MGAM: variants seen among roughly 807,000 people sequenced by gnomAD.
MGAM encodes the protein maltase-glucoamylase.
Under a neutral mutation model 358.8 loss-of-function variants are expected in MGAM, and 253 were observed. The ratio of observed to expected loss-of-function variants is 0.71; its 90% CI spans 0.64 to 0.78. The LOEUF (loss-of-function observed/expected upper bound fraction) is 0.78. MGAM is among the 30% of genes least tolerant of loss of function. The pLI is 0.00. For synonymous variants in MGAM, 1,105 were observed against 1,227.1 expected (o/e 0.90, Z 2.08); for missense variants, 3,080 against 3,432.6 (o/e 0.90, Z 2.57).
Position 142,022,346 on chromosome 7 carries a change from G to C in MGAM, c.789G>C (p.Val263=). The C allele has an allele frequency of 6.2e-7, 1 of 1,613,690 alleles. No individual in the cohort carries two copies. Among genetic ancestry groups the C allele is most frequent in the Non-Finnish European group, 8.5e-7 (1 of 1,179,682 alleles). ...CCACTCGACTGCCTAGCACTAACGT[G>C]TATGGCCTGGGAGAGCATGTGCACC... ...QLSTRLPSTN[V]YGLGEHVHQQ... is the part of the protein sequence containing the mutation. Residue 263 remains valine, a synonymous_variant, in exon 7 of 71, where the codon GTG becomes GTC. Transcript: ENST00000475668.
Position 142,040,826 on chromosome 7 carries a change from A to C in MGAM, c.2478A>C (p.Pro826=). 1.2e-6 allele frequency: 2 copies of C among 1,612,170 alleles called. No homozygotes were observed. Among genetic ancestry groups the C allele is most frequent in the Non-Finnish European group, 1.7e-6 (2 of 1,179,014 alleles). ...RGGYIFPTQQ[P]NTTTLASRKN... ...GCTACATCTTCCCCACACAGCAGCC[A>C]AATACAACCACTCTGGCCAGGTATA... The change falls in exon 21 of 71, where the codon CCA becomes CCC. Residue 826 remains proline, a synonymous_variant. Transcript: ENST00000475668.
In MGAM at chr7:142,087,958, G is replaced by T. The variant is rs73153986; in HGVS notation, c.6810+1241G>T. ...ATTGATCACCAGGAATGTGACTGGT[G>T]ATCACCAGGAATATTGGAGTTAGGC... On this transcript the variant is annotated intron_variant, in intron 57 of 70. Transcript: ENST00000475668. 2.9e-3 allele frequency among the ~76,000 whole-genome samples: 419 copies of T among 146,258 alleles called. 57 individuals carry two copies. Among genetic ancestry groups the T allele is most frequent in the Non-Finnish European group, 4.8e-3 (312 of 64,536 alleles).
Position 142,095,920 on chromosome 7 carries a change from A to G in MGAM, c.7607+207A>G, listed in dbSNP as rs1280517582. The G allele has an allele frequency of 1.0e-5, 8 of 785,638 alleles. No individual in the cohort carries two copies. In the African/African-American group the frequency reaches 1.4e-4, roughly 14 times the overall value. The allele number at this position is 785,638 out of a possible 1,614,324, so 48.7% of individuals were successfully genotyped here. ...GTTATTGATTGAATGAGCAAAACTG[A>G]AATGATGCAGTATAGCATAGAATAA... On this transcript the variant is annotated intron_variant, in intron 64 of 70. Transcript: ENST00000475668.
At chr7:142,060,457 C>T (rs1161390674) in intron 34 of MGAM, 84 bp downstream of exon 34, 489 of 1,497,502 alleles carry the variant, frequency 3.3e-4, no homozygotes, top group Admixed American at 8.5e-4. Flanking sequence ...ATGCCTGTAC[C>T]GTGGACATGG....
At chr7:142,033,129 AC>A (rs1807667129) in intron 14 of MGAM, among the ~76,000 whole-genome samples, 1 of 152,204 alleles carries the variant, frequency 6.6e-6, no homozygotes, top group Non-Finnish European at 1.5e-5. Context: ...TAGTACTTCT[AC>A]TTATACTCAA....
intron 3 of MGAM, among the ~76,000 whole-genome samples, chr7:142,017,041 A>G (rs1806027975): frequency 6.6e-6 from 1 of 152,198 alleles, no homozygotes; most frequent in African/African-American, 2.4e-5. Flanking sequence ...ACCATGTGAT[A>G]GTTGACATGA....
At position 142,088,695 on chromosome 7, in the gene MGAM, TATCC is replaced by T. The variant is rs1348694413; in HGVS notation, c.6810+1984_6810+1987del. Among the ~76,000 whole-genome samples the T allele has an allele frequency of 6.9e-4, 89 of 128,064 alleles. 9 individuals are homozygous for T. The highest frequency in any genetic ancestry group is 8.2e-3 in the Middle Eastern group (2 of 244). 84.0% of individuals were successfully genotyped at this position (128,064 alleles called of 152,430 possible). On this transcript the variant is annotated intron_variant, in intron 57 of 70. Transcript: ENST00000475668. ...CTATCTATCTATCTATCTATCTATC[TATCC>T]ATCCAGCCACCCTATTCATTTATGT...
intron 46 of MGAM, 95 bp from the exon 47 acceptor site, chr7:142,076,564 G>A: frequency 8.7e-7 from 1 of 1,143,022 alleles, no homozygotes; most frequent in Non-Finnish European, 1.3e-6. Context: ...ATGGCAGTGG[G>A]GGGTATCCAG....
Position 142,065,472 on chromosome 7 carries a change from C to T in MGAM, c.4618+4C>T, listed in dbSNP as rs112708443. The T allele has an allele frequency of 2.6e-5, 42 of 1,612,434 alleles. No individual in the cohort carries two copies. Among genetic ancestry groups the T allele is most frequent in the Middle Eastern group, 1.7e-4 (1 of 6,060 alleles). ...CAGCTGAAGAAGTCTATCATTGGTG[C>T]GTGGGTCCTTCCCCAGGGCCTTTGC... is the stretch of plus-strand genomic sequence containing the variant. On this transcript the variant is annotated splice_donor_region_variant and intron_variant, in intron 38 of 70. Coordinates refer to ENST00000475668, the MANE Select transcript of MGAM (RefSeq NM_001365693.1).
intron 64 of MGAM, 66 bp downstream of exon 64, chr7:142,095,779 G>C: frequency 6.3e-7 from 1 of 1,586,266 alleles, no homozygotes; most frequent in Non-Finnish European, 8.6e-7. Context: ...GGTGACAGTT[G>C]AATTCTTCCA....
chr7:142,007,173 A>G (rs2128983983), intron 2 of MGAM, among the ~76,000 whole-genome samples: 1 of 152,292 alleles, frequency 6.6e-6, no homozygotes, highest in South Asian at 2.1e-4. Context: ...CTGTTCAGAC[A>G]TGTTGTAACA....
chr7:142,027,346 A>G, intron 9 of MGAM, 119 bp downstream of exon 9: 1 of 859,110 alleles, frequency 1.2e-6, no homozygotes, highest in Non-Finnish European at 1.8e-6. Flanking sequence ...TTGAGATATT[A>G]AAGAACAGAT....
intron 21 of MGAM, among the ~76,000 whole-genome samples, chr7:142,046,123 T>C (rs1219538535): frequency 1.4e-5 from 2 of 144,934 alleles, no homozygotes; most frequent in African/African-American, 5.0e-5. Context: ...TTTATATATT[T>C]ATTATATATT....
intron 42 of MGAM, among the ~76,000 whole-genome samples, chr7:142,067,749 T>C (rs920899415): frequency 7.3e-6 from 1 of 137,724 alleles, no homozygotes; most frequent in Non-Finnish European, 1.6e-5. Context: ...GTAAAAAATT[T>C]ATAACAGTCC....
intron 7 of MGAM, 58 bp downstream of exon 7, chr7:142,022,497 A>G (rs1806558453): frequency 2.5e-5 from 39 of 1,538,644 alleles, no homozygotes; most frequent in Non-Finnish European, 3.5e-5. Flanking sequence ...CTTAAAGGTC[A>G]CCTCTAGTAT....
In MGAM at chr7:142,078,232, CAAAATAAATAA is replaced by C. The variant is rs1304659044; in HGVS notation, c.5494-84_5494-74del. The C allele has an allele frequency of 6.3e-6, 7 of 1,105,258 alleles. 1 individual carries two copies. The highest frequency in any genetic ancestry group is 8.7e-6 in the Non-Finnish European group (7 of 808,284). The allele number at this position is 1,105,258 out of a possible 1,614,324, so 68.5% of individuals were successfully genotyped here. ...CTGGACTGATGTCTATTTGTTTTTC[CAAAATAAATAA>C]ATAAATAAAGTCTTAGATTTTGCAA... On this transcript the variant is annotated intron_variant, in intron 47 of 70. Transcript: ENST00000475668.
chr7:142,054,615 T>C lies in MGAM; in HGVS notation c.3160-139T>C. On this transcript the variant is annotated intron_variant, in intron 26 of 70. Transcript: ENST00000475668. ...TTAAATGTGACATTGTTATCTGATA[T>C]ATTAATTAAATCTCAGATATCATAA... The C allele has an allele frequency of 3.1e-6, 3 of 981,072 alleles. No individual in the cohort carries two copies. The South Asian group carries it at 5.5e-5, about 18-fold the overall frequency. 60.8% of individuals were successfully genotyped at this position (981,072 alleles called of 1,614,324 possible). A position where few individuals can be genotyped will look rare whatever the true frequency, so the allele number is the denominator to read the frequency against.
chr7:141,995,184 A>G (rs1034283901), upstream of MGAM, among the ~76,000 whole-genome samples: 2 of 152,078 alleles, frequency 1.3e-5, no homozygotes, highest in Non-Finnish European at 2.9e-5. Context: ...AAGTTTAACT[A>G]TAAACTAAAT....
chr7:142,026,706 C>T (rs1554461067), intron 8 of MGAM, among the ~76,000 whole-genome samples: 1 of 152,154 alleles, frequency 6.6e-6, no homozygotes, highest in Non-Finnish European at 1.5e-5. Flanking sequence ...AGATTTATGA[C>T]AATTGCTTTT....
Sources: gnomAD v4.1 joint callset for allele counts (sites outside exome capture counted in the v4.1 genomes callset) on GRCh38, gnomAD v4.1.1 for gene constraint, MANE v1.5 for transcripts, NCBI Gene and HGNC (gene_info 2026-07-23, HGNC 2026-07-21) for gene names.